The following CIB4 variants were observed in gnomAD, a reference collection of about 807,000 sequenced individuals.
The protein encoded by CIB4 is calcium and integrin binding family member 4.
CIB4 carries 25 observed loss-of-function variants against 25.8 expected under a neutral mutation model. That is an observed-to-expected ratio of 0.97 (90% CI 0.71 to 1.35). The LOEUF (loss-of-function observed/expected upper bound fraction) is 1.35. CIB4 is among the 40% of genes most tolerant of loss of function. CIB4 has a pLI of 0.00. For missense variants in CIB4, 235 were observed against 228.2 expected (o/e 1.03, Z -0.19); for synonymous variants, 75 against 81.4 (o/e 0.92, Z 0.42).
chr2:26,611,258 G>A (rs1301641076), intron 3 of CIB4, among the ~76,000 whole-genome samples: 3 of 152,378 alleles, frequency 2.0e-5, no homozygotes, highest in Non-Finnish European at 2.9e-5. Context: ...CTGCTGTGGC[G>A]CCTGTCAGCA....
At chr2:26,599,844 G>A (rs1462965431) in intron 3 of CIB4, among the ~76,000 whole-genome samples, 1 of 152,092 alleles carries the variant, frequency 6.6e-6, no homozygotes, top group African/African-American at 2.4e-5. Context: ...GAAGGCAGAG[G>A]TGGGTGGATC....
intron 6 of CIB4, among the ~76,000 whole-genome samples, chr2:26,582,540 G>A (rs1488423694): frequency 6.6e-6 from 1 of 152,218 alleles, no homozygotes; most frequent in East Asian, 1.9e-4. Context: ...TTTGGGAGAA[G>A]CACAGAGGTG....
intron 2 of CIB4, among the ~76,000 whole-genome samples, chr2:26,639,441 T>C (rs1174745995): frequency 6.7e-6 from 1 of 149,474 alleles, no homozygotes; most frequent in Non-Finnish European, 1.5e-5. Flanking sequence ...CTGAGAACCA[T>C]TATTTGAATT....
intron 2 of CIB4, among the ~76,000 whole-genome samples, chr2:26,635,176 CAT>C (rs900704630): frequency 5.3e-5 from 8 of 152,236 alleles, no homozygotes; most frequent in African/African-American, 2.4e-5. Context: ...AGATCAAAAA[CAT>C]GTGAAAGGAA....
chr2:26,590,257 G>GAAA (rs1668560291), intron 4 of CIB4, among the ~76,000 whole-genome samples: 2 of 10,738 alleles, frequency 1.9e-4, no homozygotes, highest in Non-Finnish European at 3.4e-4. Flanking sequence ...CCAAGCATCT[G>GAAA]TAAAAAAAAA....
chr2:26,605,509 C>T (rs894668107), intron 3 of CIB4: 1 of 470,986 alleles, frequency 2.1e-6, no homozygotes, highest in Non-Finnish European at 4.4e-6. Flanking sequence ...CACCTGCGAA[C>T]AGGGGAGTGG....
At chr2:26,601,025 G>A (rs1375344814) in intron 3 of CIB4, among the ~76,000 whole-genome samples, 1 of 151,772 alleles carries the variant, frequency 6.6e-6, no homozygotes, top group African/African-American at 2.4e-5. Context: ...TCTGAGACCA[G>A]ACTAGGCAAC....
Position 26,627,283 on chromosome 2 carries a change from A to T in CIB4, c.186+2127T>A, listed in dbSNP as rs893663151. Among the ~76,000 whole-genome samples, 3 of 152,184 alleles carry T rather than the reference A, an allele frequency of 2.0e-5. No individual in the cohort carries two copies. The highest frequency in any genetic ancestry group is 7.2e-5 in the African/African-American group (3 of 41,440). ...TCAAGCTGACTCCCCCAGAGCAGGA[A>T]CTAGTCCAGACTCTTCCATCATGTG... On this transcript the variant is annotated intron_variant, in intron 3 of 6. Coordinates refer to ENST00000288861, the MANE Select transcript of CIB4 (RefSeq NM_001029881.3). The surrounding 1 kb of genome is among the most constrained non-coding windows in gnomAD (Gnocchi z 4.0).
At chr2:26,607,487 T>A (rs1359923338) in intron 3 of CIB4, among the ~76,000 whole-genome samples, 1 of 152,174 alleles carries the variant, frequency 6.6e-6, no homozygotes, top group African/African-American at 2.4e-5. Context: ...CTCTACAATA[T>A]CTTATAACAC....
intron 3 of CIB4, chr2:26,623,448 G>T (rs1389862574): frequency 2.2e-6 from 1 of 456,478 alleles, no homozygotes; most frequent in South Asian, 1.6e-5. Context: ...GTAAATTTCA[G>T]GACTTTTCAT....
intron 6 of CIB4, among the ~76,000 whole-genome samples, chr2:26,581,837 G>A (rs1207665178): frequency 1.3e-5 from 2 of 152,212 alleles, no homozygotes; most frequent in African/African-American, 4.8e-5. Flanking sequence ...GCAGTCAGAA[G>A]AGGGGAGGAC....
At chr2:26,612,872 A>G (rs1417724432) in intron 3 of CIB4, among the ~76,000 whole-genome samples, 2 of 152,136 alleles carry the variant, frequency 1.3e-5, no homozygotes, top group African/African-American at 2.4e-5. Context: ...AGGTGCTCCA[A>G]TCATCTCCAG....
At chr2:26,615,937 G>A (rs1365211636) in intron 3 of CIB4, among the ~76,000 whole-genome samples, 1 of 152,240 alleles carries the variant, frequency 6.6e-6, no homozygotes, top group Non-Finnish European at 1.5e-5. Context: ...CAGGGTGTGA[G>A]CCAGCTGCCA....
chr2:26,584,778 G>A (rs780729879), intron 4 of CIB4, among the ~76,000 whole-genome samples: 5 of 152,174 alleles, frequency 3.3e-5, no homozygotes, highest in Non-Finnish European at 7.4e-5. Flanking sequence ...GGTGTGCACA[G>A]AGGGTTCCGG....
At chr2:26,616,251 C>T (rs1442610988) in intron 3 of CIB4, among the ~76,000 whole-genome samples, 1 of 152,234 alleles carries the variant, frequency 6.6e-6, no homozygotes, top group Non-Finnish European at 1.5e-5. Flanking sequence ...GCCAGCTGGC[C>T]TGAGGTCAGC....
At position 26,615,020 on chromosome 2, in the gene CIB4, G is replaced by A. The variant is rs556717346; in HGVS notation, c.186+14390C>T. ...AAAATCTTCCCAGGAAGTGAGAAAC[G>A]TGATGAGAAGCAAGGAGAGTTGGCC... On this transcript the variant is annotated intron_variant, in intron 3 of 6. Transcript: ENST00000288861. Among the ~76,000 whole-genome samples the A allele has an allele frequency of 2.6e-5, 4 of 152,318 alleles. No homozygotes were observed. The East Asian group carries it at 5.8e-4, about 22-fold the overall frequency.
At chr2:26,624,739 G>C (rs1481953904) in intron 3 of CIB4, among the ~76,000 whole-genome samples, 1 of 99,354 alleles carries the variant, frequency 1.0e-5, no homozygotes, top group Non-Finnish European at 1.8e-5. Context: ...TAGTGGGAGG[G>C]TGGGGGGCGG....
chr2:26,591,941 G>A lies in CIB4; in HGVS notation c.328+3235C>T, dbSNP rs71441036. Among the ~76,000 whole-genome samples the A allele has an allele frequency of 3.9e-5, 6 of 152,332 alleles. No individual in the cohort carries two copies. The East Asian group carries it at 7.7e-4, about 20-fold the overall frequency. On this transcript the variant is annotated intron_variant, in intron 4 of 6. Transcript: ENST00000288861. The stretch of plus-strand genomic sequence containing the variant: ...CATGAGCAGATTCCCCCAGTCAAGC[G>A]CCCTCCAGGTGAGAAGGCACCCCGG...
intron 3 of CIB4, among the ~76,000 whole-genome samples, chr2:26,602,428 A>ATAATACAT (rs1558561647): frequency 6.6e-6 from 1 of 152,086 alleles, no homozygotes; most frequent in East Asian, 1.9e-4. Context: ...ACAAGTATAC[A>ATAATACAT]AAGAGTGAAC....
Sources: gnomAD v4.1 joint callset for allele counts (sites outside exome capture counted in the v4.1 genomes callset) on GRCh38, gnomAD v4.1.1 for gene constraint, Gnocchi (gnomAD v3.1) non-coding constraint, MANE v1.5 for transcripts, NCBI Gene and HGNC (gene_info 2026-07-23, HGNC 2026-07-21) for gene names.